Variants in PTPRO observed in about 807,000 individuals in gnomAD.
The protein encoded by PTPRO is receptor-type tyrosine-protein phosphatase O.
In PTPRO, 62 loss-of-function variants were observed where a neutral mutation model predicts 145.2. The ratio of observed to expected loss-of-function variants is 0.43; its 90% CI spans 0.35 to 0.53. The LOEUF is 0.53. Among genes scored for constraint, PTPRO ranks in the 20% least tolerant of loss-of-function variants. The probability of loss-of-function intolerance (pLI) is 0.01; values close to 1 mark genes in which losing one functional copy is unlikely to be tolerated. For missense variants in PTPRO, 1,345 were observed against 1,482.7 expected (o/e 0.91, Z 1.53); for synonymous variants, 565 against 514.7 (o/e 1.10, Z -1.32).
intron 1 of PTPRO, among the ~76,000 whole-genome samples, chr12:15,393,628 ATTTTTTTT>A (rs56808064): frequency 7.0e-6 from 1 of 141,980 alleles, no homozygotes; most frequent in East Asian, 2.1e-4. Context: ...GTACACTAGG[ATTTTTTTT>A]TTTTTTTTCT....
At chr12:15,438,460 A>T (rs1411797978) in intron 1 of PTPRO, among the ~76,000 whole-genome samples, 6 of 152,136 alleles carry the variant, frequency 3.9e-5, no homozygotes, top group Non-Finnish European at 7.4e-5. Context: ...ACAAAAGGAA[A>T]TTTCTAAAGC....
chr12:15,483,921 G>A (rs1282606051), intron 1 of PTPRO, 53 bp from the exon 2 acceptor site: 2 of 1,562,782 alleles, frequency 1.3e-6, no homozygotes, highest in Non-Finnish European at 8.8e-7. Flanking sequence ...TAACTTTATT[G>A]CCAATTATCT....
chr12:15,420,104 A>G (rs550316225), intron 1 of PTPRO, among the ~76,000 whole-genome samples: 75 of 135,818 alleles, frequency 5.5e-4, no homozygotes, highest in Middle Eastern at 4.6e-3. Context: ...CGGAGATCGC[A>G]CCACTGCACT....
At chr12:15,461,396 G>T (rs939344657) in intron 1 of PTPRO, among the ~76,000 whole-genome samples, 1 of 152,000 alleles carries the variant, frequency 6.6e-6, no homozygotes, top group South Asian at 2.1e-4. Context: ...CAACCACCTT[G>T]GACATATGTG....
chr12:15,497,653 T>C (rs1279968126), intron 3 of PTPRO, among the ~76,000 whole-genome samples: 2 of 152,226 alleles, frequency 1.3e-5, no homozygotes, highest in Non-Finnish European at 2.9e-5. Context: ...CACTTACATG[T>C]TACTCTTCCC....
At chr12:15,398,001 A>G (rs1041303193) in intron 1 of PTPRO, among the ~76,000 whole-genome samples, 3 of 152,166 alleles carry the variant, frequency 2.0e-5, no homozygotes, top group Non-Finnish European at 4.4e-5. Context: ...ATAAACCCCA[A>G]GTCAAAACCA....
At chr12:15,497,154 G>A (rs1942123482) in intron 2 of PTPRO, 91 bp from the exon 3 acceptor site, 1 of 1,187,904 alleles carries the variant, frequency 8.4e-7, no homozygotes, top group African/African-American at 1.5e-5. Context: ...TGAATTTCTG[G>A]TAGGTGTAAT....
rs140514339 is a variant in PTPRO at position 15,508,617 on chromosome 12, C to G, written c.1314C>G (p.His438Gln). 4 of 1,613,924 alleles carry G rather than the reference C, an allele frequency of 2.5e-6. No homozygotes were observed. In the East Asian group the frequency reaches 8.9e-5, roughly 36 times the overall value. Residue 438 changes from histidine (H) to glutamine (Q), a missense_variant, in exon 7 of 27, where the codon CAC (histidine) becomes CAG (glutamine). His to Gln is a conservative substitution (Grantham distance 24, BLOSUM62 0). Transcript: ENST00000281171. ...AAGAACTGACCGAGAAGCCGCAGCA[C>G]GTGAGTGTCCACGTTTTAAGCTCAA... ...WIEELTEKPQ[H>Q]VSVHVLSSTT... is the part of the protein sequence containing the mutation.
intron 1 of PTPRO, among the ~76,000 whole-genome samples, chr12:15,324,675 T>G (rs1866396628): frequency 6.6e-6 from 1 of 152,196 alleles, no homozygotes; most frequent in Non-Finnish European, 1.5e-5. Flanking sequence ...GAATGTAATA[T>G]TTTTGTCACC....
intron 1 of PTPRO, chr12:15,440,269 C>G: frequency 1.7e-6 from 1 of 602,596 alleles, no homozygotes; most frequent in Non-Finnish European, 2.9e-6. Flanking sequence ...AGACCTACAG[C>G]TACCTGACCC....
chr12:15,536,923 CA>C (rs1483994501), intron 12 of PTPRO, among the ~76,000 whole-genome samples: 1 of 152,088 alleles, frequency 6.6e-6, no homozygotes, highest in Non-Finnish European at 1.5e-5. Context: ...GACTGGGAGC[CA>C]CAGAGGCGAT....
intron 1 of PTPRO, among the ~76,000 whole-genome samples, chr12:15,377,128 C>T (rs1938712923): frequency 2.6e-5 from 4 of 151,946 alleles, no homozygotes; most frequent in African/African-American, 9.7e-5. Flanking sequence ...TTAATATGAA[C>T]TAGATTATTT....
chr12:15,577,316 A>T (rs903957133), intron 19 of PTPRO, among the ~76,000 whole-genome samples: 5 of 152,230 alleles, frequency 3.3e-5, no homozygotes, highest in African/African-American at 1.2e-4. Flanking sequence ...ACAGTCAGGC[A>T]ACCCAATGCC....
intron 1 of PTPRO, among the ~76,000 whole-genome samples, chr12:15,389,293 G>C: frequency 6.6e-6 from 1 of 151,910 alleles, no homozygotes; most frequent in Non-Finnish European, 1.5e-5. Flanking sequence ...ATTTTTAGTA[G>C]AGACGGGGTT....
intron 1 of PTPRO, among the ~76,000 whole-genome samples, chr12:15,447,942 C>A (rs9651869): frequency 0.86 from 130,792 of 152,132 alleles, 59,106 homozygotes; most frequent in Non-Finnish European, 0.99. Flanking sequence ...TTATTTCAAA[C>A]TATAATTCCA....
At chr12:15,400,954 G>A (rs1364822930) in intron 1 of PTPRO, among the ~76,000 whole-genome samples, 1 of 152,156 alleles carries the variant, frequency 6.6e-6, no homozygotes, top group African/African-American at 2.4e-5. Context: ...GTAATGATAG[G>A]GAAACAAAGA....
chr12:15,508,541 C>G (rs1942370586), intron 6 of PTPRO, 30 bp from the exon 7 acceptor site: 4 of 1,603,348 alleles, frequency 2.5e-6, no homozygotes, highest in Non-Finnish European at 3.4e-6. Flanking sequence ...AACGTGCAGC[C>G]TCCCCTGTGT....
intron 1 of PTPRO, among the ~76,000 whole-genome samples, chr12:15,459,882 A>T (rs1941262232): frequency 6.6e-6 from 1 of 152,196 alleles, no homozygotes; most frequent in Admixed American, 6.5e-5. Flanking sequence ...ATTTGAACTC[A>T]GGTACCCAAA....
rs186900946 is a variant in PTPRO, at chr12:15,459,485, A to G, written c.76-24489A>G. On this transcript the variant is annotated intron_variant, in intron 1 of 26. Coordinates refer to ENST00000281171, the MANE Select transcript of PTPRO (RefSeq NM_030667.3). ...GGGGTTTCCTCCCAAGCATATAGCAATACACTGAGGGTGGGGATTATGGTT... is the reference window on the plus strand; with the variant it reads ...GGGGTTTCCTCCCAAGCATATAGCAGTACACTGAGGGTGGGGATTATGGTT... Among the ~76,000 whole-genome samples the G allele has an allele frequency of 2.1e-3, 326 of 152,296 alleles. 2 individuals are homozygous for G. The highest frequency in any genetic ancestry group is 7.7e-3 in the African/African-American group (320 of 41,566).
Sources: allele counts gnomAD v4.1 joint callset (sites outside exome capture counted in the v4.1 genomes callset), GRCh38; gene constraint gnomAD v4.1.1; transcripts MANE v1.5; gene names NCBI Gene and HGNC (gene_info 2026-07-23, HGNC 2026-07-21).